FAM234A: variants seen among roughly 807,000 people sequenced by gnomAD.
FAM234A encodes family with sequence similarity 234 member A.
In FAM234A, 42 loss-of-function variants were observed where a neutral mutation model predicts 49.1. The ratio of observed to expected loss-of-function variants is 0.86; its 90% CI spans 0.67 to 1.11. FAM234A has a LOEUF of 1.11. Among genes scored for constraint, FAM234A ranks in the 50% least tolerant of loss-of-function variants. The probability of loss-of-function intolerance (pLI) is 0.00; values close to 1 mark genes in which losing one functional copy is unlikely to be tolerated. For synonymous variants in FAM234A, 369 were observed against 316.2 expected, an observed-to-expected ratio of 1.17 and a Z score of -1.77; for missense variants, 815 against 745.2, an observed-to-expected ratio of 1.09 and a Z score of -1.09.
downstream of FAM234A, among the ~76,000 whole-genome samples, chr16:267,559 AC>A (rs147458280): frequency 7.4e-3 from 1,115 of 151,484 alleles, 10 homozygotes; most frequent in Non-Finnish European, 0.014. Context: ...CTCACAGTAC[AC>A]CTGCACACGT....
chr16:267,773 A>T (rs945935790), downstream of FAM234A, among the ~76,000 whole-genome samples: 1 of 142,772 alleles, frequency 7.0e-6, no homozygotes. Flanking sequence ...CAACACGTGC[A>T]CACACCACAC....
In FAM234A at chr16:261,860, C is replaced by T. The variant is rs115051799; in HGVS notation, c.709-233C>T. 5.9e-3 allele frequency among the ~76,000 whole-genome samples: 901 copies of T among 152,336 alleles called. 7 individuals are homozygous for T. The highest frequency in any genetic ancestry group is 0.02 in the Middle Eastern group (6 of 294). On this transcript the variant is annotated intron_variant, in intron 6 of 12. Coordinates refer to ENST00000399932, the MANE Select transcript of FAM234A (RefSeq NM_032039.4). Reference sequence around the variant, plus strand: ...CGTGCAGTGTGGAGGCACCAACCATCGTGGCAGACTCTCTGATGTCAGCGT... The same window carrying T: ...CGTGCAGTGTGGAGGCACCAACCATTGTGGCAGACTCTCTGATGTCAGCGT...
intron 3 of FAM234A, among the ~76,000 whole-genome samples, chr16:257,521 C>T (rs976979069): frequency 1.3e-5 from 2 of 152,154 alleles, no homozygotes; most frequent in African/African-American, 4.8e-5. Context: ...GCTGGGATTA[C>T]AGGCGTGAGC....
At chr16:244,116 C>T (rs2050712943) in intron 1 of FAM234A, among the ~76,000 whole-genome samples, 1 of 151,894 alleles carries the variant, frequency 6.6e-6, no homozygotes, top group Admixed American at 6.6e-5. Flanking sequence ...CTACAGGCAC[C>T]CGCCACCACG....
chr16:268,137 ACAC>A (rs887813485), downstream of FAM234A, among the ~76,000 whole-genome samples: 18 of 144,386 alleles, frequency 1.2e-4, no homozygotes, highest in Non-Finnish European at 1.6e-4. Flanking sequence ...GTGCACACAC[ACAC>A]CACATATGCA....
At chr16:266,809 T>A (rs1596870954), downstream of FAM234A, among the ~76,000 whole-genome samples, 1 of 150,256 alleles carries the variant, frequency 6.7e-6, no homozygotes, top group East Asian at 2.0e-4. Context: ...GTCCTATAAG[T>A]GAGAACCGCC....
At chr16:244,285 G>A (rs2050726489) in intron 1 of FAM234A, among the ~76,000 whole-genome samples, 1 of 152,180 alleles carries the variant, frequency 6.6e-6, no homozygotes, top group African/African-American at 2.4e-5. Flanking sequence ...GATTTTAATG[G>A]ATGGTTTTGA....
intron 1 of FAM234A, among the ~76,000 whole-genome samples, chr16:246,174 C>A (rs2050795147): frequency 6.6e-6 from 1 of 151,342 alleles, no homozygotes; most frequent in Non-Finnish European, 1.5e-5. Flanking sequence ...AAGATCACGC[C>A]ATTGTACTCC....
chr16:262,485 C>T lies in FAM234A; in HGVS notation c.903C>T (p.Gly301=). The change falls in exon 8 of 13, where the codon GGC becomes GGT. Residue 301 remains glycine (G), a synonymous_variant. Coordinates refer to ENST00000399932, the MANE Select transcript of FAM234A (RefSeq NM_032039.4). ...GLYEKVTGSG[G]PFKSDPHWES... ...ACGAGAAGGTGACCGGGAGCGGCGG[C>T]CCGTTCAAGAGTGACCCGCACTGGG... 2 of 1,612,396 alleles carry T rather than the reference C, an allele frequency of 1.2e-6. No individual in the cohort carries two copies. Among genetic ancestry groups the T allele is most frequent in the Non-Finnish European group, 1.7e-6 (2 of 1,179,298 alleles).
Position 263,647 on chromosome 16 carries a change from T to C in FAM234A, c.1113-53T>C, listed in dbSNP as rs376146212. On this transcript the variant is annotated intron_variant, in intron 9 of 12. Coordinates refer to ENST00000399932, the MANE Select transcript of FAM234A (RefSeq NM_032039.4). ...GACGTGTTCCTGGGTGCTTCCTTCA[T>C]CTCAGTCTCCTCACTGAGACCCCTC... The C allele has an allele frequency of 5.9e-4, 859 of 1,449,982 alleles. 2 individuals carry two copies. The highest frequency in any genetic ancestry group is 4.5e-3 in the Middle Eastern group (26 of 5,750). The allele number at this position is 1,449,982 out of a possible 1,614,324, so 89.8% of individuals were successfully genotyped here.
At chr16:238,577 T>C (rs572676119) in intron 1 of FAM234A, among the ~76,000 whole-genome samples, 18 of 151,736 alleles carry the variant, frequency 1.2e-4, no homozygotes, top group Middle Eastern at 3.4e-3. Flanking sequence ...CCATCCTGGC[T>C]AACACAGTGA....
chr16:246,749 GTGTTT>G (rs146299091), intron 1 of FAM234A, among the ~76,000 whole-genome samples: 4,093 of 148,852 alleles, frequency 0.027, 203 homozygotes, highest in African/African-American at 0.091. Context: ...CGATCGATTG[GTGTTT>G]TGTTTTGTTT....
chr16:263,750 A>G lies in FAM234A; in HGVS notation c.1163A>G (p.Glu388Gly). ...YKPDTLAVAV[E>G]NGTGTDRQIL... ...CCAGACACCTTGGCTGTAGCCGTTGAAAACGGAACTGGCACCGACAGACAG... is the reference window on the plus strand; with the variant it reads ...CCAGACACCTTGGCTGTAGCCGTTGGAAACGGAACTGGCACCGACAGACAG... The change falls in exon 10 of 13, where the codon GAA becomes GGA. Residue 388 changes from glutamate (E) to glycine (G), a missense_variant. Physicochemically the swap from Glu to Gly is moderately conservative, Grantham distance 98 (BLOSUM62 -2). Transcript: ENST00000399932. 1.2e-6 allele frequency: 2 copies of G among 1,614,004 alleles called. No individual in the cohort carries two copies. The highest frequency in any genetic ancestry group is 1.7e-6 in the Non-Finnish European group (2 of 1,179,874).
At chr16:239,249 G>C (rs927718135) in intron 1 of FAM234A, among the ~76,000 whole-genome samples, 2 of 138,688 alleles carry the variant, frequency 1.4e-5, no homozygotes, top group Non-Finnish European at 3.1e-5. Context: ...GCAGTGAGCT[G>C]AGATTGCACC....
At chr16:266,217 G>C (rs1811106), downstream of FAM234A, 1,369 of 585,580 alleles carry the variant, frequency 2.3e-3, 11 homozygotes, top group African/African-American at 0.024. Context: ...CCTGGGTCAG[G>C]GTGGGGAGGG....
Position 264,813 on chromosome 16 carries a change from G to A in FAM234A, c.1450G>A (p.Val484Ile), listed in dbSNP as rs755043099. The A allele has an allele frequency of 9.9e-6, 16 of 1,608,660 alleles. No individual in the cohort carries two copies. Among genetic ancestry groups the A allele is most frequent in the East Asian group, 4.5e-5 (2 of 44,788 alleles). ...VSTHIVAFDA[V>I]LFEPSRHAAY... ...CAGCTGTGTCCCCCACCCTGCAGCC[G>A]TCCTGTTTGAGCCAAGCCGCCACGC... Residue 484 changes from valine to isoleucine, a missense_variant and splice_region_variant, in exon 13 of 13, where the codon GTC becomes ATC. Val to Ile is a conservative substitution (Grantham distance 29). Coordinates refer to ENST00000399932, the MANE Select transcript of FAM234A (RefSeq NM_032039.4).
Position 261,433 on chromosome 16 carries a change from C to G in FAM234A, c.627C>G (p.Ile209Met). The G allele has an allele frequency of 6.2e-7, 1 of 1,613,708 alleles. No homozygotes were observed. Among genetic ancestry groups the G allele is most frequent in the Non-Finnish European group, 8.5e-7 (1 of 1,179,916 alleles). ...GCAGCTTCAGCGGGAATGCGTCCAT[C>G]CTGAGCCCTCTGCTGCAGGTGCCTG... ...HSSSFSGNAS[I>M]LSPLLQVPDV... The change falls in exon 6 of 13, where the codon ATC becomes ATG. Residue 209 changes from isoleucine (I) to methionine (M), a missense_variant. By Grantham distance (10) the Ile-to-Met change is conservative. Coordinates refer to ENST00000399932, the MANE Select transcript of FAM234A (RefSeq NM_032039.4).
intron 1 of FAM234A, 36 bp downstream of exon 1, chr16:234,893 C>T (rs909235298): frequency 6.6e-6 from 1 of 152,288 alleles, no homozygotes; most frequent in Admixed American, 6.5e-5. Flanking sequence ...CGCGTGCACG[C>T]CGCAGGGGCG....
chr16:256,703 A>C (rs1049901033), intron 3 of FAM234A, among the ~76,000 whole-genome samples: 46 of 146,312 alleles, frequency 3.1e-4, no homozygotes, highest in African/African-American at 1.1e-3. Flanking sequence ...CCCAAGTAGT[A>C]GCTGGGATTA....
Sources: gnomAD v4.1 joint callset for allele counts (sites outside exome capture counted in the v4.1 genomes callset) on GRCh38, gnomAD v4.1.1 for gene constraint, MANE v1.5 for transcripts, NCBI Gene and HGNC (gene_info 2026-07-23, HGNC 2026-07-21) for gene names.